Variants in PARD3B observed in about 807,000 individuals in gnomAD.
The protein encoded by PARD3B is partitioning defective 3 homolog B.
PARD3B carries 103 observed loss-of-function variants against 130.2 expected under a neutral mutation model. The observed-to-expected ratio is 0.79, with a 90% CI of 0.67 to 0.93. The LOEUF (loss-of-function observed/expected upper bound fraction) is 0.93, where lower values mean the gene tolerates loss of function less well. Ranked by LOEUF, PARD3B falls within the 40% of genes least tolerant of loss-of-function variation. The pLI is 0.00. For synonymous variants in PARD3B, 583 were observed against 553.2 expected (o/e 1.05, Z -0.76); for missense variants, 1,609 against 1,499.2 (o/e 1.07, Z -1.21).
intron 3 of PARD3B, among the ~76,000 whole-genome samples, chr2:204,978,511 G>T (rs542157220): frequency 8.0e-4 from 122 of 152,274 alleles, no homozygotes; most frequent in African/African-American, 2.7e-3. Context: ...TGATATTCAT[G>T]TGCACAAAAG....
chr2:204,820,757 A>G (rs1235597868), intron 2 of PARD3B, among the ~76,000 whole-genome samples: 1 of 152,088 alleles, frequency 6.6e-6, no homozygotes, highest in Non-Finnish European at 1.5e-5. Flanking sequence ...CAGGGGTTTC[A>G]CTGAGCCAAG....
chr2:205,560,936 G>T (rs1242450578), intron 22 of PARD3B, among the ~76,000 whole-genome samples: 1 of 152,206 alleles, frequency 6.6e-6, no homozygotes, highest in Non-Finnish European at 1.5e-5. Flanking sequence ...CGTTTCAGAA[G>T]AAATACGCCA....
intron 2 of PARD3B, among the ~76,000 whole-genome samples, chr2:204,854,263 G>C (rs893879024): frequency 2.0e-5 from 3 of 152,178 alleles, no homozygotes; most frequent in African/African-American, 7.2e-5. Flanking sequence ...CTATATGGAA[G>C]TAGTGCTGTT....
chr2:204,947,156 G>T (rs756762789), intron 2 of PARD3B, among the ~76,000 whole-genome samples: 1 of 152,118 alleles, frequency 6.6e-6, no homozygotes, highest in African/African-American at 2.4e-5. Flanking sequence ...AAATTAACGC[G>T]TAACATTAAC....
intron 2 of PARD3B, among the ~76,000 whole-genome samples, chr2:204,850,488 A>ATATAGATATATGTATATATG (rs2044662220): frequency 6.6e-6 from 1 of 151,956 alleles, no homozygotes; most frequent in African/African-American, 2.4e-5. Flanking sequence ...ATGTATATAT[A>ATATAGATATATGTATATATG]TATAGATATA....
At chr2:205,612,456 T>C (rs1219431831) in intron 22 of PARD3B, among the ~76,000 whole-genome samples, 1 of 152,196 alleles carries the variant, frequency 6.6e-6, no homozygotes, top group Admixed American at 6.5e-5. Context: ...TTAGTTTTTT[T>C]AATAATTTAA....
chr2:205,538,279 T>C (rs1329097888), intron 21 of PARD3B, among the ~76,000 whole-genome samples: 1 of 152,116 alleles, frequency 6.6e-6, no homozygotes, highest in Non-Finnish European at 1.5e-5. Flanking sequence ...GACCTGGTGA[T>C]GGAAGAGAGG....
At chr2:204,739,689 C>T (rs2039911109) in intron 2 of PARD3B, among the ~76,000 whole-genome samples, 1 of 151,890 alleles carries the variant, frequency 6.6e-6, no homozygotes, top group African/African-American at 2.4e-5. Context: ...GTCTCAAATC[C>T]CTGGCCTCAA....
intron 3 of PARD3B, among the ~76,000 whole-genome samples, chr2:204,975,402 C>G (rs560861900): frequency 6.6e-5 from 10 of 152,326 alleles, no homozygotes; most frequent in African/African-American, 2.2e-4. Context: ...CTGCAAGGAC[C>G]TAATGGGTTG....
intron 3 of PARD3B, among the ~76,000 whole-genome samples, chr2:205,025,719 G>A (rs1242914940): frequency 1.3e-5 from 2 of 152,028 alleles, no homozygotes; most frequent in South Asian, 2.1e-4. Flanking sequence ...ATAACCACAC[G>A]TCTCTCTGGG....
chr2:205,364,013 G>A (rs565788678), intron 18 of PARD3B, among the ~76,000 whole-genome samples: 2 of 151,936 alleles, frequency 1.3e-5, no homozygotes, highest in Admixed American at 1.3e-4. Flanking sequence ...TGAACACAGC[G>A]AAGGCACCCT....
intron 1 of PARD3B, among the ~76,000 whole-genome samples, chr2:204,642,940 C>T (rs188046438): frequency 5.3e-5 from 8 of 151,070 alleles, no homozygotes; most frequent in East Asian, 3.9e-4. Context: ...AGTGAAATCC[C>T]GTCTCTACTA....
intron 20 of PARD3B, among the ~76,000 whole-genome samples, chr2:205,452,147 T>C (rs778452383): frequency 1.3e-5 from 2 of 152,214 alleles, no homozygotes; most frequent in Non-Finnish European, 2.9e-5. Flanking sequence ...CTTGTATCAC[T>C]GGGGCAATGT....
intron 4 of PARD3B, among the ~76,000 whole-genome samples, chr2:205,057,109 T>C (rs966586806): frequency 2.0e-5 from 3 of 151,606 alleles, no homozygotes; most frequent in Non-Finnish European, 4.4e-5. Flanking sequence ...TTGTATAATT[T>C]GTAATTTGTC....
At chr2:204,886,565 T>G (rs2046277074) in intron 2 of PARD3B, among the ~76,000 whole-genome samples, 1 of 152,216 alleles carries the variant, frequency 6.6e-6, no homozygotes, top group Non-Finnish European at 1.5e-5. Context: ...AATACTAGTT[T>G]TTAACAAAGG....
chr2:204,684,794 AT>A (rs1415459695), intron 1 of PARD3B, among the ~76,000 whole-genome samples: 1 of 152,198 alleles, frequency 6.6e-6, no homozygotes, highest in Non-Finnish European at 1.5e-5. Context: ...CTAGTAAATC[AT>A]TGGTGTTTGC....
intron 3 of PARD3B, among the ~76,000 whole-genome samples, chr2:205,001,226 T>C (rs1373934607): frequency 3.3e-5 from 5 of 152,146 alleles, no homozygotes; most frequent in African/African-American, 9.7e-5. Context: ...TGACCTCAGG[T>C]GATCTGCTCA....
At chr2:204,686,381 T>A in intron 2 of PARD3B, 99 bp downstream of exon 2, 1 of 886,720 alleles carries the variant, frequency 1.1e-6, no homozygotes, top group Non-Finnish European at 1.9e-6. Context: ...CAATTATTAT[T>A]AAAAGATACC....
intron 20 of PARD3B, among the ~76,000 whole-genome samples, chr2:205,490,573 C>T (rs1051596516): frequency 7.2e-5 from 11 of 152,122 alleles, no homozygotes; most frequent in African/African-American, 1.2e-4. Context: ...AATAAACATA[C>T]GTGTGCATGT....
Sources: allele counts gnomAD v4.1 joint callset (sites outside exome capture counted in the v4.1 genomes callset), GRCh38; gene constraint gnomAD v4.1.1; transcripts MANE v1.5; gene names NCBI Gene and HGNC (gene_info 2026-07-23, HGNC 2026-07-21).